The following RYR2 variants were observed in gnomAD, a reference collection of about 807,000 sequenced individuals.
The protein encoded by RYR2 is cardiac muscle ryanodine receptor-calcium release channel.
In RYR2, 227 loss-of-function variants were observed where a neutral mutation model predicts 601.1. That is an observed-to-expected ratio of 0.38 (90% CI 0.34 to 0.42). The LOEUF (loss-of-function observed/expected upper bound fraction) is 0.42. Ranked by LOEUF, RYR2 falls within the 10% of genes least tolerant of loss-of-function variation. The pLI is 1.00. For synonymous variants in RYR2, 2,223 were observed against 2,175.1 expected, an observed-to-expected ratio of 1.02 and a Z score of -0.61; for missense variants, 4,646 against 6,156.5, an observed-to-expected ratio of 0.75 and a Z score of 8.21.
intron 1 of RYR2, among the ~76,000 whole-genome samples, chr1:237,252,267 T>C (rs1481005648): frequency 6.6e-6 from 1 of 152,052 alleles, no homozygotes; most frequent in Non-Finnish European, 1.5e-5. Context: ...CACCAGCCCA[T>C]TTGTTCTTCC....
chr1:237,671,502 GGTGTGTGTGTGTGTGTGCGTGT>G (rs1350995751), intron 58 of RYR2, among the ~76,000 whole-genome samples: 2 of 149,278 alleles, frequency 1.3e-5, no homozygotes, highest in African/African-American at 4.9e-5. Context: ...TTGGTGCCTG[GGTGTGTGTGTGTGTGTGCGTGT>G]GTGTGTGTGT....
In RYR2 at chr1:237,118,595, T is replaced by C. The variant is rs1670403708; in HGVS notation, c.48+76026T>C. ...AAAATAGGGAGTTATTGTTTGTTTG[T>C]TTTTGTTTGTTTGTTTGTTCTTTTT... On this transcript the variant is annotated intron_variant, in intron 1 of 104. Transcript: ENST00000366574. Among the ~76,000 whole-genome samples the C allele has an allele frequency of 2.0e-5, 3 of 151,882 alleles. 1 individual carries two copies. The South Asian group carries it at 6.3e-4, about 32-fold the overall frequency.
intron 1 of RYR2, among the ~76,000 whole-genome samples, chr1:237,081,299 A>G (rs868175176): frequency 0.013 from 1,983 of 149,526 alleles, 19 homozygotes; most frequent in Non-Finnish European, 0.02. Context: ...AAAAAAAAAA[A>G]AAAAGAAAGT....
intron 27 of RYR2, among the ~76,000 whole-genome samples, chr1:237,565,115 T>TTTTCTTTC (rs367736284): frequency 4.6e-4 from 4 of 8,762 alleles, no homozygotes; most frequent in Non-Finnish European, 2.0e-3. Context: ...CTTTCTTTCT[T>TTTTCTTTC]TTTCTTTCTT....
At chr1:237,384,218 T>TTA (rs1701792243) in intron 8 of RYR2, among the ~76,000 whole-genome samples, 1 of 152,192 alleles carries the variant, frequency 6.6e-6, no homozygotes, top group South Asian at 2.1e-4. Flanking sequence ...TTTCATATGC[T>TTA]TATGGTTCTC....
At chr1:237,285,900 T>C (rs909182356) in intron 2 of RYR2, among the ~76,000 whole-genome samples, 4 of 152,200 alleles carry the variant, frequency 2.6e-5, no homozygotes, top group African/African-American at 9.6e-5. Context: ...AATGAGGTTA[T>C]TTGGAGTTTC....
Position 237,540,232 on chromosome 1 carries a change from T to C in RYR2, c.2907-8199T>C, listed in dbSNP as rs139138157. On this transcript the variant is annotated intron_variant, in intron 25 of 104. Coordinates refer to ENST00000366574, the MANE Select transcript of RYR2 (RefSeq NM_001035.3). The stretch of plus-strand genomic sequence containing the variant: ...AAAACAATCCACTCACTCCAAGAGC[T>C]TGTGGTCCTCACTATCTCATATGCC... Among the ~76,000 whole-genome samples, 996 of 152,198 alleles carry C rather than the reference T, an allele frequency of 6.5e-3. 10 individuals carry two copies. The highest frequency in any genetic ancestry group is 0.041 in the Middle Eastern group (12 of 294).
rs1004286596 is a variant in RYR2 at position 237,442,350 on chromosome 1, A to G, written c.1170+867A>G. On this transcript the variant is annotated intron_variant, in intron 13 of 104. Transcript: ENST00000366574. Reference sequence around the variant, plus strand: ...TTACTTATAAAAATTTCAACTATAAAAAAGTTAAAAGACTAAACCAATAAC... The same window carrying G: ...TTACTTATAAAAATTTCAACTATAAGAAAGTTAAAAGACTAAACCAATAAC... 2.0e-5 allele frequency among the ~76,000 whole-genome samples: 3 copies of G among 152,220 alleles called. No individual in the cohort carries two copies. The South Asian group carries it at 6.2e-4, about 32-fold the overall frequency.
intron 17 of RYR2, among the ~76,000 whole-genome samples, chr1:237,483,353 T>C (rs1415141824): frequency 6.6e-6 from 1 of 152,194 alleles, no homozygotes; most frequent in Non-Finnish European, 1.5e-5. Flanking sequence ...TGATCCAAGC[T>C]CTGTTCTAAA....
At chr1:237,569,645 A>C (rs1672457669) in intron 29 of RYR2, among the ~76,000 whole-genome samples, 1 of 152,228 alleles carries the variant, frequency 6.6e-6, no homozygotes, top group South Asian at 2.1e-4. Context: ...TCAGCTGCCT[A>C]GAGCCTCTTT....
intron 17 of RYR2, among the ~76,000 whole-genome samples, chr1:237,488,050 C>T (rs571011611): frequency 6.6e-5 from 10 of 152,092 alleles, no homozygotes; most frequent in South Asian, 2.1e-4. Context: ...TTGTGACATA[C>T]GCTATTTACT....
At chr1:237,247,832 T>C (rs1445961604) in intron 1 of RYR2, among the ~76,000 whole-genome samples, 1 of 152,134 alleles carries the variant, frequency 6.6e-6, no homozygotes, top group Non-Finnish European at 1.5e-5. Flanking sequence ...CAGGATATCT[T>C]AGGTGAGTCT....
chr1:237,596,030 T>G (rs1675860927), intron 34 of RYR2, among the ~76,000 whole-genome samples: 1 of 151,746 alleles, frequency 6.6e-6, no homozygotes, highest in Admixed American at 6.6e-5. Context: ...ACCGGTACCC[T>G]AGAACCCATC....
In RYR2 at chr1:237,292,699, T is replaced by C. The variant is rs1242397624; in HGVS notation, c.168+22083T>C. On this transcript the variant is annotated intron_variant, in intron 2 of 104. Transcript: ENST00000366574. The stretch of plus-strand genomic sequence containing the variant: ...ATTTTTTGTCTTGTGTGATTTACAT[T>C]TTCAAGGTTACACGTTAAAATTCTG... Among the ~76,000 whole-genome samples, 4 of 152,216 alleles carry C rather than the reference T, an allele frequency of 2.6e-5. No individual in the cohort carries two copies. In the East Asian group the frequency reaches 7.7e-4, roughly 29 times the overall value.
At chr1:237,184,862 T>A (rs1679175984) in intron 1 of RYR2, among the ~76,000 whole-genome samples, 1 of 150,218 alleles carries the variant, frequency 6.7e-6, no homozygotes, top group Non-Finnish European at 1.5e-5. Context: ...GTTATCTTAG[T>A]TCTTTGTGAA....
chr1:237,573,997 A>T (rs915851357), intron 29 of RYR2, among the ~76,000 whole-genome samples: 6 of 151,954 alleles, frequency 3.9e-5, no homozygotes, highest in African/African-American at 1.2e-4. Flanking sequence ...CCTCCTCAAA[A>T]CCACGCTTAC....
chr1:237,240,010 A>G lies in RYR2; in HGVS notation c.49-30487A>G, dbSNP rs539298852. 6.0e-4 allele frequency among the ~76,000 whole-genome samples: 92 copies of G among 152,332 alleles called. 1 individual carries two copies. The highest frequency in any genetic ancestry group is 2.2e-3 in the African/African-American group (90 of 41,578). ...CAGGATTTTATCATTAGAAAAGATC[A>G]TTTTGCTCGATCATTAAAACTGCCA... On this transcript the variant is annotated intron_variant, in intron 1 of 104. Transcript: ENST00000366574.
intron 2 of RYR2, among the ~76,000 whole-genome samples, chr1:237,327,542 C>A (rs1028056806): frequency 6.6e-6 from 1 of 152,122 alleles, no homozygotes; most frequent in African/African-American, 2.4e-5. Flanking sequence ...CGGAAAGTGT[C>A]TTTTCTTGAC....
chr1:237,615,243 C>T (rs189516041), intron 37 of RYR2, among the ~76,000 whole-genome samples: 1 of 152,190 alleles, frequency 6.6e-6, no homozygotes, highest in African/African-American at 2.4e-5. Flanking sequence ...GGCTGGAGTG[C>T]AGTGGTGGTG....
Sources: gnomAD v4.1 joint callset for allele counts (sites outside exome capture counted in the v4.1 genomes callset) on GRCh38, gnomAD v4.1.1 for gene constraint, MANE v1.5 for transcripts, NCBI Gene and HGNC (gene_info 2026-07-23, HGNC 2026-07-21) for gene names.